The following GRM5 variants were observed in gnomAD, a reference collection of about 807,000 sequenced individuals.
GRM5 encodes metabotropic glutamate receptor 5.
GRM5 carries 19 observed loss-of-function variants against 83.1 expected under a neutral mutation model. The ratio of observed to expected loss-of-function variants is 0.23; its 90% CI spans 0.16 to 0.34. The LOEUF (loss-of-function observed/expected upper bound fraction) is 0.34. Among genes scored for constraint, GRM5 ranks in the 10% least tolerant of loss-of-function variants. The pLI, the probability that GRM5 is intolerant of heterozygous loss-of-function variation, is 1.00. For synonymous variants in GRM5, 675 were observed against 633.6 expected, an observed-to-expected ratio of 1.07 and a Z score of -0.98; for missense variants, 1,160 against 1,588.3, an observed-to-expected ratio of 0.73 and a Z score of 4.58.
intron 8 of GRM5, among the ~76,000 whole-genome samples, chr11:88,532,251 A>G (rs1367142333): frequency 1.3e-5 from 2 of 152,096 alleles, no homozygotes; most frequent in African/African-American, 2.4e-5. Flanking sequence ...GATGCATCCC[A>G]TTTACAAAGC....
At chr11:89,008,139 C>T (rs1940582125) in intron 2 of GRM5, among the ~76,000 whole-genome samples, 1 of 151,958 alleles carries the variant, frequency 6.6e-6, no homozygotes, top group African/African-American at 2.4e-5. Flanking sequence ...AACAGTATGG[C>T]ATAAAGATGA....
chr11:88,924,768 T>C (rs1412137023), intron 2 of GRM5, among the ~76,000 whole-genome samples: 2 of 151,798 alleles, frequency 1.3e-5, no homozygotes, highest in African/African-American at 2.4e-5. Flanking sequence ...TTAACTACAG[T>C]TAATAATATT....
At chr11:88,929,801 G>C (rs980695958) in intron 2 of GRM5, among the ~76,000 whole-genome samples, 4 of 152,086 alleles carry the variant, frequency 2.6e-5, no homozygotes, top group Non-Finnish European at 5.9e-5. Context: ...AAAAAAATGA[G>C]AACAAGTTTT....
chr11:89,062,015 A>G (rs976386289), intron 1 of GRM5, among the ~76,000 whole-genome samples: 1 of 152,216 alleles, frequency 6.6e-6, no homozygotes, highest in African/African-American at 2.4e-5. Context: ...AACTTGAAAG[A>G]TCTGTCCAGA....
chr11:88,522,083 C>T (rs1456037756), intron 9 of GRM5, among the ~76,000 whole-genome samples: 6 of 152,152 alleles, frequency 3.9e-5, no homozygotes, highest in African/African-American at 1.4e-4. Context: ...CCCCTTAACC[C>T]CTCCCTGGAA....
chr11:88,545,854 C>T (rs1337137838), intron 8 of GRM5, among the ~76,000 whole-genome samples: 5 of 151,910 alleles, frequency 3.3e-5, no homozygotes, highest in Non-Finnish European at 5.9e-5. Context: ...TCAAAGCTTC[C>T]GAAGCTTCCT....
chr11:88,970,876 T>C (rs747485372), intron 2 of GRM5, among the ~76,000 whole-genome samples: 6 of 152,078 alleles, frequency 3.9e-5, no homozygotes, highest in Non-Finnish European at 8.8e-5. Context: ...AATTTTGGGG[T>C]TGTGCTTTCT....
At chr11:88,718,449 G>A (rs1168506481) in intron 3 of GRM5, among the ~76,000 whole-genome samples, 1 of 151,926 alleles carries the variant, frequency 6.6e-6, no homozygotes, top group African/African-American at 2.4e-5. Flanking sequence ...AAAGAGTGGT[G>A]TATAACATTC....
chr11:88,961,828 A>T (rs1231502162), intron 2 of GRM5, among the ~76,000 whole-genome samples: 1 of 152,218 alleles, frequency 6.6e-6, no homozygotes, highest in African/African-American at 2.4e-5. Flanking sequence ...AGGCAGAACC[A>T]AGATTACATA....
intron 3 of GRM5, among the ~76,000 whole-genome samples, chr11:88,728,307 C>G (rs1328727824): frequency 1.3e-5 from 2 of 152,070 alleles, no homozygotes; most frequent in Non-Finnish European, 2.9e-5. Context: ...CACATACTCC[C>G]TCCCAAGACT....
chr11:88,662,248 A>G (rs1360139965), intron 3 of GRM5, among the ~76,000 whole-genome samples: 1 of 152,202 alleles, frequency 6.6e-6, no homozygotes, highest in Non-Finnish European at 1.5e-5. Flanking sequence ...TAACCTACTC[A>G]AAACCCCATG....
At chr11:88,845,971 A>T (rs1333518879) in intron 3 of GRM5, among the ~76,000 whole-genome samples, 1 of 152,210 alleles carries the variant, frequency 6.6e-6, no homozygotes, top group Non-Finnish European at 1.5e-5. Flanking sequence ...TTTCATTGGC[A>T]AGGATATTTC....
intron 2 of GRM5, among the ~76,000 whole-genome samples, chr11:88,987,953 C>G (rs1352765133): frequency 2.0e-5 from 3 of 150,880 alleles, no homozygotes; most frequent in African/African-American, 7.4e-5. Flanking sequence ...AGCAGAGGGC[C>G]TCTCCTCCTC....
At chr11:88,590,813 CAGAA>C in intron 6 of GRM5, 86 bp from the exon 7 acceptor site, 2 of 910,216 alleles carry the variant, frequency 2.2e-6, no homozygotes, top group Non-Finnish European at 3.5e-6. Context: ...TTTTGCAAAG[CAGAA>C]AGGCCTTTCA....
intron 7 of GRM5, among the ~76,000 whole-genome samples, chr11:88,588,590 G>T (rs1937592573): frequency 6.6e-6 from 1 of 152,030 alleles, no homozygotes; most frequent in Non-Finnish European, 1.5e-5. Context: ...TGTTACCCCA[G>T]ACTGAAATTT....
chr11:88,687,564 TATATATATATATATAATATATATA>T (rs1940669933), intron 3 of GRM5, among the ~76,000 whole-genome samples: 1 of 2,754 alleles, frequency 3.6e-4, no homozygotes, highest in East Asian at 0.023. Flanking sequence ...ATATATATTA[TATATATATATATATAATATATATA>T]TATATATATT....
chr11:88,732,437 C>G (rs117522528), intron 3 of GRM5, among the ~76,000 whole-genome samples: 1 of 151,978 alleles, frequency 6.6e-6, no homozygotes, highest in Non-Finnish European at 1.5e-5. Context: ...AAGGAACTGA[C>G]GTTTGCTGAA....
chr11:88,906,787 T>A (rs747898432), intron 2 of GRM5, among the ~76,000 whole-genome samples: 13 of 152,142 alleles, frequency 8.5e-5, no homozygotes, highest in South Asian at 6.2e-4. Context: ...AAAAATTGAG[T>A]AAATAATGGA....
intron 1 of GRM5, among the ~76,000 whole-genome samples, chr11:89,053,740 A>G (rs147706603): frequency 0.012 from 1,846 of 152,222 alleles, 81 homozygotes; most frequent in Admixed American, 0.082. Flanking sequence ...GATATAGGAA[A>G]TTTTGAGTAA....
Sources: allele counts gnomAD v4.1 joint callset (sites outside exome capture counted in the v4.1 genomes callset), GRCh38; gene constraint gnomAD v4.1.1; transcripts MANE v1.5; gene names NCBI Gene and HGNC (gene_info 2026-07-23, HGNC 2026-07-21).